ABLIM1: variants seen among roughly 807,000 people sequenced by gnomAD.
The protein encoded by ABLIM1 is actin binding LIM protein 1.
In ABLIM1, 40 loss-of-function variants were observed where a neutral mutation model predicts 107.0. The ratio of observed to expected loss-of-function variants is 0.37; its 90% CI spans 0.29 to 0.49. The LOEUF (loss-of-function observed/expected upper bound fraction) is 0.49. ABLIM1 is among the 20% of genes least tolerant of loss of function. The pLI is 0.97. For missense variants in ABLIM1, 857 were observed against 1,008.5 expected, an observed-to-expected ratio of 0.85 and a Z score of 2.04; for synonymous variants, 357 against 357.3, an observed-to-expected ratio of 1.00 and a Z score of 0.01.
intron 1 of ABLIM1, among the ~76,000 whole-genome samples, chr10:114,746,133 T>A (rs1010270946): frequency 2.0e-5 from 3 of 152,288 alleles, no homozygotes; most frequent in South Asian, 4.1e-4. Context: ...CCTGGCAATA[T>A]TGAAATGTAC....
At chr10:114,443,891 G>C in intron 17 of ABLIM1, 138 bp downstream of exon 17, 1 of 662,510 alleles carries the variant, frequency 1.5e-6, no homozygotes, top group Non-Finnish European at 2.6e-6. Context: ...GAGCTCATTT[G>C]ACATGGAGTG....
chr10:114,724,828 C>G (rs1489966282), intron 1 of ABLIM1, among the ~76,000 whole-genome samples: 2 of 152,156 alleles, frequency 1.3e-5, no homozygotes, highest in South Asian at 2.1e-4. Context: ...TTTCCCCACC[C>G]AGGGGAAACA....
chr10:114,469,407 C>T (rs2066004338), intron 10 of ABLIM1, among the ~76,000 whole-genome samples: 1 of 152,212 alleles, frequency 6.6e-6, no homozygotes, highest in African/African-American at 2.4e-5. Flanking sequence ...TCCTTGGGGC[C>T]ATCAACAGGC....
the ABLIM1 span, among the ~76,000 whole-genome samples, chr10:114,797,260 A>G: frequency 6.6e-6 from 1 of 152,204 alleles, no homozygotes; most frequent in Non-Finnish European, 1.5e-5. Flanking sequence ...CACTTTCTGA[A>G]TAGATTCTTC....
At chr10:114,445,568 C>CA (rs1188512293) in intron 15 of ABLIM1, among the ~76,000 whole-genome samples, 165 bp from the exon 16 acceptor site, 1 of 152,176 alleles carries the variant, frequency 6.6e-6, no homozygotes, top group Non-Finnish European at 1.5e-5. Context: ...GCCACCAACT[C>CA]AGCACTACTG....
At chr10:114,625,311 T>G (rs2077718314) in intron 1 of ABLIM1, among the ~76,000 whole-genome samples, 1 of 152,178 alleles carries the variant, frequency 6.6e-6, no homozygotes, top group South Asian at 2.1e-4. Flanking sequence ...TAGCCTTTCC[T>G]GAGGATGGAA....
intron 1 of ABLIM1, among the ~76,000 whole-genome samples, chr10:114,602,343 C>CT (rs2076079044): frequency 6.6e-6 from 1 of 152,216 alleles, no homozygotes; most frequent in South Asian, 2.1e-4. Context: ...TCACTGTGGA[C>CT]TGTAGGTCCT....
intron 1 of ABLIM1, among the ~76,000 whole-genome samples, chr10:114,752,677 G>A (rs527590453): frequency 6.6e-6 from 1 of 152,304 alleles, no homozygotes; most frequent in South Asian, 2.1e-4. Context: ...ACTTGTAAGT[G>A]AGAACATGCA....
intron 1 of ABLIM1, among the ~76,000 whole-genome samples, chr10:114,724,708 C>G (rs187332684): frequency 1.1e-4 from 17 of 152,314 alleles, no homozygotes; most frequent in African/African-American, 4.1e-4. Flanking sequence ...CTCACGAGAA[C>G]AGCAGGCACC....
chr10:114,577,438 C>T (rs1192395710), intron 2 of ABLIM1, among the ~76,000 whole-genome samples: 2 of 152,110 alleles, frequency 1.3e-5, no homozygotes. Flanking sequence ...CTTAAAAATG[C>T]AGAGTCGTTA....
intron 6 of ABLIM1, among the ~76,000 whole-genome samples, chr10:114,522,787 C>T (rs541886928): frequency 6.6e-6 from 1 of 152,338 alleles, no homozygotes; most frequent in South Asian, 2.1e-4. Flanking sequence ...TCAAAGGCTG[C>T]ACCTTAAGCC....
upstream of ABLIM1, among the ~76,000 whole-genome samples, chr10:114,661,683 T>C (rs2079802263): frequency 6.6e-6 from 1 of 152,228 alleles, no homozygotes; most frequent in Non-Finnish European, 1.5e-5. Context: ...AAGCTAATGA[T>C]AATTACAAAT....
intron 6 of ABLIM1, among the ~76,000 whole-genome samples, chr10:114,529,921 G>T (rs2065268900): frequency 6.6e-6 from 1 of 152,186 alleles, no homozygotes; most frequent in Non-Finnish European, 1.5e-5. Context: ...CAGCTACTTG[G>T]GAGGCTGAGG....
At chr10:114,544,963 G>C in intron 6 of ABLIM1, 42 bp downstream of exon 6, 1 of 1,585,858 alleles carries the variant, frequency 6.3e-7, no homozygotes. Context: ...GGGCCGCTGA[G>C]AAAGATGGCG....
chr10:114,550,040 G>T (rs1229923880), intron 4 of ABLIM1, among the ~76,000 whole-genome samples: 3 of 152,090 alleles, frequency 2.0e-5, no homozygotes, highest in Admixed American at 2.0e-4. Context: ...TTTAAACCAT[G>T]ATAATGTAAA....
intron 1 of ABLIM1, among the ~76,000 whole-genome samples, chr10:114,732,719 A>T (rs576079705): frequency 6.6e-6 from 1 of 152,290 alleles, no homozygotes; most frequent in South Asian, 2.1e-4. Flanking sequence ...ATACATCATT[A>T]TAAACTGCCT....
chr10:114,446,593 T>C lies in ABLIM1; in HGVS notation c.1736-1190A>G, dbSNP rs58661449. Among the ~76,000 whole-genome samples, 387 of 152,356 alleles carry C rather than the reference T, an allele frequency of 2.5e-3. 2 individuals carry two copies. The highest frequency in any genetic ancestry group is 8.5e-3 in the African/African-American group (352 of 41,594). On this transcript the variant is annotated intron_variant, in intron 15 of 22. Coordinates refer to ENST00000533213, the MANE Select transcript of ABLIM1 (RefSeq NM_002313.7). ...TCTTAGTTTTCAGCATTTTGATTAA[T>C]GGACCTGAAATTTTTCCTCCTTTTG... is the stretch of plus-strand genomic sequence containing the variant.
chr10:114,694,925 C>T (rs2081164650), intron 1 of ABLIM1, among the ~76,000 whole-genome samples: 1 of 152,224 alleles, frequency 6.6e-6, no homozygotes, highest in African/African-American at 2.4e-5. Flanking sequence ...GCGCCCTCAC[C>T]TGGGAACTTC....
chr10:114,668,670 A>G (rs1168072651), intron 1 of ABLIM1, among the ~76,000 whole-genome samples: 2 of 152,184 alleles, frequency 1.3e-5, no homozygotes, highest in Non-Finnish European at 2.9e-5. Flanking sequence ...GGGAGGCATC[A>G]AAAAGAATCC....
Sources: gnomAD v4.1 joint callset for allele counts (sites outside exome capture counted in the v4.1 genomes callset) on GRCh38, gnomAD v4.1.1 for gene constraint, MANE v1.5 for transcripts, NCBI Gene and HGNC (gene_info 2026-07-23, HGNC 2026-07-21) for gene names.